The following EIF4ENIF1 variants were observed in gnomAD, a reference collection of about 807,000 sequenced individuals.
EIF4ENIF1 encodes eukaryotic translation initiation factor 4E nuclear import factor 1.
EIF4ENIF1 carries 23 observed loss-of-function variants against 110.5 expected under a neutral mutation model. The observed-to-expected ratio is 0.21, with a 90% CI of 0.15 to 0.29. EIF4ENIF1 has a LOEUF of 0.29. Among genes scored for constraint, EIF4ENIF1 ranks in the 10% least tolerant of loss-of-function variants. The pLI is 1.00. For synonymous variants in EIF4ENIF1, 440 were observed against 437.0 expected (o/e 1.01, Z -0.09); for missense variants, 1,031 against 1,221.1 (o/e 0.84, Z 2.32).
At chr22:31,456,068 ACTT>A in intron 7 of EIF4ENIF1, 81 bp from the exon 8 acceptor site, 1 of 1,419,656 alleles carries the variant, frequency 7.0e-7, no homozygotes, top group Non-Finnish European at 9.6e-7. Context: ...AGGGTCACTT[ACTT>A]TGAAACTTCC....
At chr22:31,447,727 A>G (rs2050520073) in intron 13 of EIF4ENIF1, among the ~76,000 whole-genome samples, 162 bp from the exon 14 acceptor site, 1 of 152,258 alleles carries the variant, frequency 6.6e-6, no homozygotes, top group South Asian at 2.1e-4. Context: ...AACAAGATTA[A>G]CAATTTAAGT....
intron 11 of EIF4ENIF1, 54 bp from the exon 12 acceptor site, chr22:31,449,585 G>T: frequency 6.5e-7 from 1 of 1,535,132 alleles, no homozygotes; most frequent in Non-Finnish European, 8.8e-7. Context: ...TCTACTCAGA[G>T]GCTGTGAATT....
At position 31,488,657 on chromosome 22, in the gene EIF4ENIF1, G is replaced by A. The variant is rs566697991; in HGVS notation, c.62C>T (p.Pro21Leu). ...SGDAFLDLKK[P>L]PASKCPHRYT... The stretch of plus-strand genomic sequence containing the variant: ...GCGATGGGGGCATTTGGAGGCAGGA[G>A]GCTTCTTCAGGTCAAGGAAAGCATC... Residue 21 changes from proline to leucine, a missense_variant, in exon 2 of 19, where the codon CCT becomes CTT. Pro to Leu is a moderately conservative substitution (Grantham distance 98, BLOSUM62 -3). Around this residue, in one of 3 missense-constraint regions of EIF4ENIF1, gnomAD observed 704 missense variants for 879.7 expected, o/e 0.80. Coordinates refer to ENST00000330125, the MANE Select transcript of EIF4ENIF1 (RefSeq NM_019843.4). 3.1e-6 allele frequency: 5 copies of A among 1,613,952 alleles called. No individual in the cohort carries two copies. Among genetic ancestry groups the A allele is most frequent in the Admixed American group, 3.3e-5 (2 of 59,990 alleles).
intron 5 of EIF4ENIF1, 45 bp downstream of exon 5, chr22:31,463,636 A>T (rs2051071256): frequency 6.7e-7 from 1 of 1,489,032 alleles, no homozygotes; most frequent in Non-Finnish European, 8.9e-7. Flanking sequence ...ACAAGAGCGA[A>T]ACTCCGTCTC....
chr22:31,481,920 A>G (rs146166783), intron 2 of EIF4ENIF1, among the ~76,000 whole-genome samples: 8 of 152,292 alleles, frequency 5.3e-5, no homozygotes, highest in Admixed American at 4.6e-4. Flanking sequence ...CTGGAATTCC[A>G]GCACTTTAGG....
At position 31,439,743 on chromosome 22, in the gene EIF4ENIF1, C is replaced by T; in HGVS notation, c.*137G>A. On this transcript the variant is annotated 3_prime_UTR_variant, in exon 19 of 19. Coordinates refer to ENST00000330125, the MANE Select transcript of EIF4ENIF1 (RefSeq NM_019843.4). The stretch of plus-strand genomic sequence containing the variant: ...TCCTTCCATCATAATGCGGACCACA[C>T]CAGATGCATGGGTTCCACCAAACAG... 2 of 1,266,024 alleles carry T rather than the reference C, an allele frequency of 1.6e-6. No individual in the cohort carries two copies. Among genetic ancestry groups the T allele is most frequent in the Admixed American group, 2.6e-5 (1 of 38,888 alleles). 78.4% of individuals were successfully genotyped at this position (1,266,024 alleles called of 1,614,324 possible).
chr22:31,449,159 C>T (rs1029702577), intron 12 of EIF4ENIF1, among the ~76,000 whole-genome samples, 189 bp downstream of exon 12: 1 of 152,066 alleles, frequency 6.6e-6, no homozygotes, highest in African/African-American at 2.4e-5. Context: ...TACAGGCATG[C>T]ACCACCACGT....
At position 31,479,792 on chromosome 22, in the gene EIF4ENIF1, C is replaced by T. The variant is rs142629921; in HGVS notation, c.97-7875G>A. Among the ~76,000 whole-genome samples, 1,460 of 150,790 alleles carry T rather than the reference C, an allele frequency of 9.7e-3. 7 individuals carry two copies. Among genetic ancestry groups the T allele is most frequent in the Middle Eastern group, 0.031 (9 of 294 alleles). On this transcript the variant is annotated intron_variant, in intron 2 of 18. Transcript: ENST00000330125. ...TGGCATGATCATAGCTCACTGCAGC[C>T]TCAAAACTCATGGACTCAAGTGATC...
chr22:31,458,484 G>A lies in EIF4ENIF1; in HGVS notation c.954C>T (p.Cys318=), dbSNP rs1454387926. ...NEFFNLDKVP[C]LASMIEDVLG... is the part of the protein sequence containing the mutation. Reference sequence around the variant, plus strand: ...GTGCTGCTACACTCACCGAAGCCAAGCATGGCACCTTATCAAGGTTAAAGA... The same window carrying A: ...GTGCTGCTACACTCACCGAAGCCAAACATGGCACCTTATCAAGGTTAAAGA... Residue 318 remains cysteine, a synonymous_variant, in exon 7 of 19, where the codon TGC becomes TGT. Transcript: ENST00000330125. The A allele has an allele frequency of 6.3e-7, 1 of 1,592,076 alleles. No homozygotes were observed. Among genetic ancestry groups the A allele is most frequent in the African/African-American group, 1.3e-5 (1 of 74,460 alleles).
chr22:31,472,303 CTG>C (rs764200493), intron 2 of EIF4ENIF1, among the ~76,000 whole-genome samples: 1 of 148,130 alleles, frequency 6.8e-6, no homozygotes, highest in Non-Finnish European at 1.5e-5. Flanking sequence ...GAATCTCACT[CTG>C]TAGCCCAGGA....
chr22:31,486,157 C>G (rs1029527656), intron 2 of EIF4ENIF1, among the ~76,000 whole-genome samples: 22 of 152,032 alleles, frequency 1.4e-4, no homozygotes, highest in Non-Finnish European at 2.5e-4. Flanking sequence ...GTAATCCCAG[C>G]TACTTGGGAG....
chr22:31,492,761 T>C (rs2052295569), upstream of EIF4ENIF1, among the ~76,000 whole-genome samples: 2 of 152,246 alleles, frequency 1.3e-5, no homozygotes, highest in African/African-American at 2.4e-5. Context: ...AGAAGGAGTC[T>C]CGCTGTATCG....
intron 10 of EIF4ENIF1, chr22:31,450,895 A>ACG (rs61651683): frequency 6.6e-6 from 1 of 152,494 alleles, no homozygotes; most frequent in Non-Finnish European, 1.4e-5. Flanking sequence ...ACACACACAC[A>ACG]AAAGAGACAG....
chr22:31,459,054 A>T (rs965187768), intron 6 of EIF4ENIF1, among the ~76,000 whole-genome samples: 3 of 151,384 alleles, frequency 2.0e-5, no homozygotes, highest in South Asian at 2.1e-4. Context: ...TAGCCTCCAG[A>T]GTATCTGGGA....
intron 2 of EIF4ENIF1, among the ~76,000 whole-genome samples, chr22:31,476,916 C>T (rs558780691): frequency 6.8e-6 from 1 of 147,744 alleles, no homozygotes; most frequent in South Asian, 2.1e-4. Context: ...ATGAGAATTG[C>T]GAACCTGGGA....
chr22:31,444,636 G>A lies in EIF4ENIF1; in HGVS notation c.2043C>T (p.Ser681=), dbSNP rs765007673. 2 of 1,614,094 alleles carry A rather than the reference G, an allele frequency of 1.2e-6. No homozygotes were observed. Among genetic ancestry groups the A allele is most frequent in the South Asian group, 2.2e-5 (2 of 91,080 alleles). The change falls in exon 15 of 19, where the codon TCC becomes TCT. Residue 681 remains serine (S), a synonymous_variant. Coordinates refer to ENST00000330125, the MANE Select transcript of EIF4ENIF1 (RefSeq NM_019843.4). ...PAPVHRGNSS[S]PAPAASITSM... is the part of the protein sequence containing the mutation. ...TTGTGATGGAGGCAGCAGGGGCAGG[G>A]GAAGAGGAATTCCCTCGATGCACGG... is the stretch of plus-strand genomic sequence containing the variant.
chr22:31,488,893 G>C, intron 1 of EIF4ENIF1, 148 bp from the exon 2 acceptor site: 1 of 834,478 alleles, frequency 1.2e-6, no homozygotes, highest in Non-Finnish European at 1.8e-6. Flanking sequence ...CTATAAATTA[G>C]AACTTGGAGA....
intron 3 of EIF4ENIF1, among the ~76,000 whole-genome samples, chr22:31,469,080 C>T (rs1757565503): frequency 6.6e-6 from 1 of 152,186 alleles, no homozygotes; most frequent in South Asian, 2.1e-4. Flanking sequence ...GCAAACAGCT[C>T]TTACGACCTA....
chr22:31,464,089 T>C (rs1431262837), intron 4 of EIF4ENIF1, 122 bp from the exon 5 acceptor site: 3 of 1,344,096 alleles, frequency 2.2e-6, no homozygotes, highest in Middle Eastern at 2.7e-4. Flanking sequence ...ACCACTAAAA[T>C]TGGGCTTATC....
Sources: allele counts gnomAD v4.1 joint callset (sites outside exome capture counted in the v4.1 genomes callset), GRCh38; gene constraint gnomAD v4.1.1; regional missense constraint gnomAD v4.1.1; transcripts MANE v1.5; gene names NCBI Gene and HGNC (gene_info 2026-07-23, HGNC 2026-07-21).